The following CALN1 variants were observed in gnomAD, a reference collection of about 807,000 sequenced individuals.
CALN1 encodes the protein calneuron 1.
In CALN1, 17 loss-of-function variants were observed where a neutral mutation model predicts 30.6. The observed-to-expected ratio is 0.56, with a 90% CI of 0.38 to 0.83. The LOEUF (loss-of-function observed/expected upper bound fraction) is 0.83, where lower values mean the gene tolerates loss of function less well. CALN1 is among the 40% of genes least tolerant of loss of function. The pLI is 0.00. For synonymous variants in CALN1, 156 were observed against 131.4 expected, an observed-to-expected ratio of 1.19 and a Z score of -1.28; for missense variants, 291 against 354.9, an observed-to-expected ratio of 0.82 and a Z score of 1.45.
At chr7:71,987,309 C>A (rs138074565) in intron 5 of CALN1, among the ~76,000 whole-genome samples, 211 of 152,320 alleles carry the variant, frequency 1.4e-3, no homozygotes, top group African/African-American at 4.7e-3. Flanking sequence ...ACACGAGGAA[C>A]CACTGGCTTC....
At chr7:71,869,495 AGCCACCGT>A (rs1288289619) in intron 5 of CALN1, among the ~76,000 whole-genome samples, 8 of 152,296 alleles carry the variant, frequency 5.3e-5, no homozygotes, top group Non-Finnish European at 8.8e-5. Flanking sequence ...TACAGGCTTG[AGCCACCGT>A]GCCTGGCCAA....
rs377471917 is a variant in CALN1 at position 72,181,103 on chromosome 7, C to G, written c.245-74809G>C. ...ACAGAGCGAAACTGCATAACCCCCC[C>G]CCCCCCCAAAAAAAAAAAAAATTTT... is the stretch of plus-strand genomic sequence containing the variant. On this transcript the variant is annotated intron_variant, in intron 3 of 6. Transcript: ENST00000395275. Among the ~76,000 whole-genome samples the G allele has an allele frequency of 6.9e-5, 6 of 87,560 alleles. 1 individual carries two copies. Among genetic ancestry groups the G allele is most frequent in the African/African-American group, 2.0e-4 (5 of 24,428 alleles). The allele number at this position is 87,560 out of a possible 152,430, so 57.4% of individuals were successfully genotyped here. A position where few individuals can be genotyped will look rare whatever the true frequency, so the allele number is the denominator to read the frequency against.
chr7:71,943,697 C>T (rs1703904338), intron 5 of CALN1, among the ~76,000 whole-genome samples: 1 of 152,126 alleles, frequency 6.6e-6, no homozygotes, highest in Non-Finnish European at 1.5e-5. Context: ...CCACCTCGGA[C>T]TCCCAAAGTG....
At chr7:72,186,351 G>A (rs1585117732) in intron 3 of CALN1, among the ~76,000 whole-genome samples, 1 of 91,172 alleles carries the variant, frequency 1.1e-5, no homozygotes, top group African/African-American at 3.3e-5. Flanking sequence ...CCCTCCCTCA[G>A]ATAGGCAAGG....
chr7:72,377,436 CGTGTGTGTGTGTGTGTGT>C (rs138060244), intron 2 of CALN1, among the ~76,000 whole-genome samples: 5 of 142,434 alleles, frequency 3.5e-5, no homozygotes, highest in African/African-American at 7.9e-5. Flanking sequence ...GCCACACTTT[CGTGTGTGTGTGTGTGTGT>C]GTGTGTGTGT....
intron 3 of CALN1, among the ~76,000 whole-genome samples, chr7:72,227,479 G>A (rs993189116): frequency 4.6e-5 from 7 of 151,458 alleles, no homozygotes; most frequent in Admixed American, 6.6e-5. Context: ...GGTAAAGATT[G>A]CAGTGAGCCG....
At chr7:72,406,842 C>T (rs1259943721) in intron 1 of CALN1, among the ~76,000 whole-genome samples, 3 of 152,154 alleles carry the variant, frequency 2.0e-5, no homozygotes, top group Non-Finnish European at 4.4e-5. Flanking sequence ...TCTTGAACTT[C>T]TGACCTCAAG....
chr7:72,204,697 G>A (rs1241675354), intron 3 of CALN1, among the ~76,000 whole-genome samples: 1 of 152,020 alleles, frequency 6.6e-6, no homozygotes, highest in South Asian at 2.1e-4. Context: ...AGAGCTGTGT[G>A]GATTAAATGA....
chr7:72,086,699 G>A (rs1805505757), intron 4 of CALN1, among the ~76,000 whole-genome samples: 1 of 152,128 alleles, frequency 6.6e-6, no homozygotes, highest in African/African-American at 2.4e-5. Flanking sequence ...CTCCCAAAGT[G>A]CTGGGATTTT....
chr7:71,791,461 A>C (rs1233722159), intron 6 of CALN1, among the ~76,000 whole-genome samples: 6 of 152,306 alleles, frequency 3.9e-5, no homozygotes, highest in Non-Finnish European at 7.3e-5. Context: ...GAGAAAATCA[A>C]ATACCGCATG....
At chr7:71,930,198 G>T (rs2129520258) in intron 5 of CALN1, among the ~76,000 whole-genome samples, 1 of 152,296 alleles carries the variant, frequency 6.6e-6, no homozygotes, top group Non-Finnish European at 1.5e-5. Context: ...TGAATCCACA[G>T]ATGCAGAACC....
chr7:71,882,079 T>A (rs901871187), intron 5 of CALN1, among the ~76,000 whole-genome samples: 1 of 151,514 alleles, frequency 6.6e-6, no homozygotes, highest in African/African-American at 2.4e-5. Context: ...AAAAAAAAAA[T>A]TGGAGGTTAG....
rs761089148 is a variant in CALN1 at position 71,967,625 on chromosome 7, C to CA, written c.501+56031dup. Among the ~76,000 whole-genome samples, 638 of 69,960 alleles carry CA rather than the reference C, an allele frequency of 9.1e-3. 8 individuals carry two copies. The highest frequency in any genetic ancestry group is 0.055 in the East Asian group (128 of 2,308). The allele number at this position is 69,960 out of a possible 152,430, so 45.9% of individuals were successfully genotyped here. A position where few individuals can be genotyped will look rare whatever the true frequency, so the allele number is the denominator to read the frequency against. ...TGGGCGACAGAGTGAGACCCTGTTT[C>CA]AAAAAAAAAAAAAAAAAGAAAGAAA... On this transcript the variant is annotated intron_variant, in intron 5 of 6. Coordinates refer to ENST00000395275, the MANE Select transcript of CALN1 (RefSeq NM_031468.4).
In CALN1 at chr7:72,232,036, T is replaced by C. The variant is rs139628378; in HGVS notation, c.244+46650A>G. Among the ~76,000 whole-genome samples the C allele has an allele frequency of 7.2e-3, 1,093 of 152,186 alleles. 17 individuals carry two copies. The highest frequency in any genetic ancestry group is 0.025 in the African/African-American group (1,036 of 41,536). ...GTTGGGATATTGGATGCATAAAACA[T>C]ATGCAACTTGGAGATCCCCTACAGG... On this transcript the variant is annotated intron_variant, in intron 3 of 6. Coordinates refer to ENST00000395275, the MANE Select transcript of CALN1 (RefSeq NM_031468.4).
chr7:72,346,369 A>T (rs1346062446), intron 2 of CALN1, among the ~76,000 whole-genome samples: 1 of 152,122 alleles, frequency 6.6e-6, no homozygotes, highest in Non-Finnish European at 1.5e-5. Flanking sequence ...TTTTTAAAAA[A>T]ATATTTATTT....
chr7:71,909,623 C>G (rs1179797980), intron 5 of CALN1, among the ~76,000 whole-genome samples: 1 of 152,186 alleles, frequency 6.6e-6, no homozygotes, highest in East Asian at 1.9e-4. Flanking sequence ...GTCTGGTGTA[C>G]AATGACAGGC....
At chr7:72,356,899 T>G (rs1456692202) in intron 2 of CALN1, among the ~76,000 whole-genome samples, 1 of 152,026 alleles carries the variant, frequency 6.6e-6, no homozygotes, top group Admixed American at 6.5e-5. Flanking sequence ...AGCAATATAT[T>G]AGTGCTTGTC....
intron 5 of CALN1, among the ~76,000 whole-genome samples, chr7:71,843,217 A>G (rs1346125513): frequency 4.6e-5 from 7 of 152,162 alleles, no homozygotes; most frequent in Non-Finnish European, 1.0e-4. Flanking sequence ...CTTCCTGAAG[A>G]CCTCTTAGAA....
intron 2 of CALN1, among the ~76,000 whole-genome samples, chr7:72,368,809 CTTTTTTTTT>C (rs57192078): frequency 9.8e-6 from 1 of 101,552 alleles, no homozygotes; most frequent in South Asian, 3.7e-4. Context: ...GTTTGAAACC[CTTTTTTTTT>C]TTTTTTTTTT....
Sources: allele counts gnomAD v4.1 joint callset (sites outside exome capture counted in the v4.1 genomes callset), GRCh38; gene constraint gnomAD v4.1.1; transcripts MANE v1.5; gene names NCBI Gene and HGNC (gene_info 2026-07-23, HGNC 2026-07-21).